Variants in LINGO2 observed in about 807,000 individuals in gnomAD.
LINGO2 encodes the protein leucine rich repeat and Ig domain containing 2, also known as leucine-rich repeat and immunoglobulin-like domain-containing nogo receptor-interacting protein 2.
LINGO2 carries 14 observed loss-of-function variants against 30.6 expected under a neutral mutation model. The observed-to-expected ratio is 0.46, with a 90% CI of 0.30 to 0.72. LINGO2 has a LOEUF of 0.72. LINGO2 is among the 30% of genes least tolerant of loss of function. The pLI, the probability that LINGO2 is intolerant of heterozygous loss-of-function variation, is 0.07. For missense variants in LINGO2, 729 were observed against 751.7 expected (o/e 0.97, Z 0.35); for synonymous variants, 317 against 288.5 (o/e 1.10, Z -1.00).
At chr9:28,019,715 G>A (rs941115176) in intron 4 of LINGO2, among the ~76,000 whole-genome samples, 2 of 151,580 alleles carry the variant, frequency 1.3e-5, no homozygotes, top group Non-Finnish European at 2.9e-5. Flanking sequence ...TTTTCATTAG[G>A]GATGCAAAAG....
Position 27,966,664 on chromosome 9 carries a change from C to G in LINGO2, c.-35-15958G>C, listed in dbSNP as rs145949925. On this transcript the variant is annotated intron_variant, in intron 5 of 5. Coordinates refer to ENST00000379992, the Ensembl canonical transcript of LINGO2. ...ATGACAGGTTGATAGCTGCAGCAAA[C>G]CACCATGGCACATATATACCTATGT... Among the ~76,000 whole-genome samples, 881 of 152,136 alleles carry G rather than the reference C, an allele frequency of 5.8e-3. 6 individuals are homozygous for G. The highest frequency in any genetic ancestry group is 0.02 in the African/African-American group (846 of 41,494).
chr9:28,849,744 T>G, the LINGO2 span, among the ~76,000 whole-genome samples: 9 of 152,128 alleles, frequency 5.9e-5, no homozygotes, highest in African/African-American at 2.2e-4. Flanking sequence ...CTTCCTTTAT[T>G]TAACTACCCT....
chr9:28,354,253 C>A (rs1279714819), intron 3 of LINGO2, among the ~76,000 whole-genome samples: 4 of 151,966 alleles, frequency 2.6e-5, no homozygotes, highest in African/African-American at 9.7e-5. Flanking sequence ...GTACTCATAC[C>A]AGTAGGTTTG....
intron 3 of LINGO2, among the ~76,000 whole-genome samples, chr9:28,324,776 G>A (rs942429715): frequency 1.3e-5 from 2 of 152,080 alleles, no homozygotes; most frequent in African/African-American, 4.8e-5. Context: ...ACTAACCCTT[G>A]TTTAACATAT....
intron 4 of LINGO2, among the ~76,000 whole-genome samples, chr9:28,053,560 A>AG (rs1824776464): frequency 6.6e-6 from 1 of 152,206 alleles, no homozygotes; most frequent in African/African-American, 2.4e-5. Flanking sequence ...AGCTTGCTAC[A>AG]GATCAGATAA....
chr9:28,436,714 C>G (rs1823954925), intron 2 of LINGO2, among the ~76,000 whole-genome samples: 3 of 152,060 alleles, frequency 2.0e-5, no homozygotes, highest in African/African-American at 7.2e-5. Context: ...GCCTTGGCCT[C>G]CCAAAGTGCT....
At chr9:28,907,359 T>C in the LINGO2 span, among the ~76,000 whole-genome samples, 4 of 151,924 alleles carry the variant, frequency 2.6e-5, no homozygotes, top group Non-Finnish European at 5.9e-5. Flanking sequence ...TAGTGGAAAG[T>C]AGCACAAAAG....
chr9:28,092,551 T>TG (rs528189403), intron 4 of LINGO2, among the ~76,000 whole-genome samples: 3 of 13,434 alleles, frequency 2.2e-4, no homozygotes, highest in South Asian at 2.0e-3. Flanking sequence ...TGTTGTGCGG[T>TG]GGGGGGGAGG....
chr9:29,125,887 T>A, the LINGO2 span, among the ~76,000 whole-genome samples: 2 of 152,156 alleles, frequency 1.3e-5, no homozygotes, highest in Non-Finnish European at 2.9e-5. Context: ...GGGATTTTTA[T>A]TCATATTTAC....
At chr9:28,607,587 C>T (rs1255350422) in intron 1 of LINGO2, among the ~76,000 whole-genome samples, 2 of 152,002 alleles carry the variant, frequency 1.3e-5, no homozygotes, top group Non-Finnish European at 2.9e-5. Context: ...TTGTCAGTTG[C>T]TCTTATTCTC....
chr9:28,073,583 G>C (rs746300817), intron 4 of LINGO2, among the ~76,000 whole-genome samples: 1 of 152,116 alleles, frequency 6.6e-6, no homozygotes, highest in Non-Finnish European at 1.5e-5. Flanking sequence ...ATTCTTGTTC[G>C]TTTACAGAGA....
At chr9:28,316,546 A>G (rs1824853308) in intron 3 of LINGO2, among the ~76,000 whole-genome samples, 1 of 152,172 alleles carries the variant, frequency 6.6e-6, no homozygotes, top group African/African-American at 2.4e-5. Context: ...CTTCTATAAT[A>G]CAGGTACAAT....
At chr9:28,953,098 C>T in the LINGO2 span, among the ~76,000 whole-genome samples, 2 of 152,122 alleles carry the variant, frequency 1.3e-5, no homozygotes, top group Non-Finnish European at 2.9e-5. Context: ...GGAATGTACT[C>T]ACTCTACAAG....
intron 1 of LINGO2, among the ~76,000 whole-genome samples, chr9:28,500,066 G>T (rs1819823700): frequency 6.6e-6 from 1 of 152,106 alleles, no homozygotes; most frequent in South Asian, 2.1e-4. Flanking sequence ...CACCGCTCAG[G>T]AGTCATCTGC....
the LINGO2 span, among the ~76,000 whole-genome samples, chr9:29,136,238 T>C: frequency 6.6e-6 from 1 of 152,306 alleles, no homozygotes; most frequent in Admixed American, 6.5e-5. Flanking sequence ...AATTTTCAAC[T>C]TCTTTCTGAT....
chr9:28,927,049 T>A, the LINGO2 span, among the ~76,000 whole-genome samples: 1 of 152,246 alleles, frequency 6.6e-6, no homozygotes, highest in East Asian at 1.9e-4. Context: ...TTATATTTTA[T>A]TGTTGTTTAG....
chr9:28,312,361 G>A (rs867787780), intron 3 of LINGO2, among the ~76,000 whole-genome samples: 33 of 151,952 alleles, frequency 2.2e-4, no homozygotes, highest in Non-Finnish European at 3.1e-4. Flanking sequence ...GGAGAGAAGA[G>A]GGGGTAATAG....
the LINGO2 span, among the ~76,000 whole-genome samples, chr9:29,014,455 T>C: frequency 6.6e-5 from 10 of 152,126 alleles, no homozygotes; most frequent in Admixed American, 2.0e-4. Context: ...TGGAGCTTTA[T>C]AGTCTTCAAA....
chr9:29,123,261 A>T, the LINGO2 span, among the ~76,000 whole-genome samples: 1 of 152,104 alleles, frequency 6.6e-6, no homozygotes, highest in Non-Finnish European at 1.5e-5. Flanking sequence ...TCCCCGAGAC[A>T]TCCCAGCAAG....
Sources: allele counts gnomAD v4.1 joint callset (sites outside exome capture counted in the v4.1 genomes callset), GRCh38; gene constraint gnomAD v4.1.1; transcripts MANE v1.5; gene names NCBI Gene and HGNC (gene_info 2026-07-23, HGNC 2026-07-21).